The following RANBP2 variants were observed in gnomAD, a reference collection of about 807,000 sequenced individuals.
The protein encoded by RANBP2 is RAN binding protein 2.
RANBP2 carries 57 observed loss-of-function variants against 303.6 expected under a neutral mutation model. The observed-to-expected ratio is 0.19, with a 90% CI of 0.15 to 0.23. The LOEUF is 0.23. Among genes scored for constraint, RANBP2 ranks in the 10% least tolerant of loss-of-function variants. The probability of loss-of-function intolerance (pLI) is 1.00; values close to 1 mark genes in which losing one functional copy is unlikely to be tolerated. For missense variants in RANBP2, 3,138 were observed against 3,780.8 expected (o/e 0.83, Z 4.46); for synonymous variants, 1,167 against 1,301.5 (o/e 0.90, Z 2.23).
chr2:109,247,425 C>T, the RANBP2 span, among the ~76,000 whole-genome samples: 3 of 152,218 alleles, frequency 2.0e-5, no homozygotes, highest in East Asian at 5.8e-4. Flanking sequence ...CCAGATGATC[C>T]CTGAACGTCA....
intron 18 of RANBP2, among the ~76,000 whole-genome samples, chr2:108,761,085 C>G (rs1196982748): frequency 6.7e-6 from 1 of 149,538 alleles, no homozygotes; most frequent in Non-Finnish European, 1.5e-5. Context: ...ATTAAAGTCC[C>G]TACTTAAACT....
chr2:109,471,206 C>CAAAAAA, the RANBP2 span, among the ~76,000 whole-genome samples: 6 of 40,136 alleles, frequency 1.5e-4, no homozygotes, highest in East Asian at 7.3e-4. Flanking sequence ...GACTCTGTCT[C>CAAAAAA]AAAAAAAAAA....
chr2:108,720,258 G>GACACC lies in RANBP2; in HGVS notation c.72+580_72+581insACACC, dbSNP rs1315893248. The GACACC allele has an allele frequency of 1.3e-5, 12 of 904,268 alleles. No homozygotes were observed. In the African/African-American group the frequency reaches 2.5e-4, roughly 19 times the overall value. The allele number at this position is 904,268 out of a possible 1,614,324, so 56.0% of individuals were successfully genotyped here. A position where few individuals can be genotyped will look rare whatever the true frequency, so the allele number is the denominator to read the frequency against. Reference sequence around the variant, plus strand: ...CCCTTGTTTTGAGTATGAGGTGTTTGTCGCTGTCCCTTTGTAAGGGTCCAG... The same window carrying GACACC: ...CCCTTGTTTTGAGTATGAGGTGTTTGACACCTCGCTGTCCCTTTGTAAGGGTCCAG... On this transcript the variant is annotated intron_variant, in intron 1 of 28. Transcript: ENST00000283195.
At chr2:108,962,229 C>T in the RANBP2 span, among the ~76,000 whole-genome samples, 2 of 152,230 alleles carry the variant, frequency 1.3e-5, no homozygotes, top group Non-Finnish European at 2.9e-5. Context: ...GACGCTCTCA[C>T]AGCCTTTCAC....
the RANBP2 span, among the ~76,000 whole-genome samples, chr2:108,920,302 C>T: frequency 6.6e-6 from 1 of 152,218 alleles, no homozygotes; most frequent in African/African-American, 2.4e-5. Flanking sequence ...AGGACACTTT[C>T]CCAGGGGTGA....
chr2:108,929,511 A>G, the RANBP2 span: 4 of 981,478 alleles, frequency 4.1e-6, no homozygotes, highest in South Asian at 4.1e-5. Context: ...TGGTTTCCTG[A>G]GTTGTCCTAA....
rs376973592 is a variant in RANBP2 at position 108,755,017 on chromosome 2, A to G, written c.2315A>G (p.Asp772Gly). 2 of 1,611,782 alleles carry G rather than the reference A, an allele frequency of 1.2e-6. No homozygotes were observed. The highest frequency in any genetic ancestry group is 1.3e-5 in the African/African-American group (1 of 74,820). ...AAAAATGGTTCTTTGCGAAATGCAG[A>G]TTCAGAAATAAAACATTCTACACCG... The part of the protein sequence containing the change: ...LYKNGSLRNA[D>G]SEIKHSTPSP... The change falls in exon 16 of 29, where the codon GAT (aspartate) becomes GGT (glycine). Residue 772 changes from aspartate (D) to glycine (G), a missense_variant. Coordinates refer to ENST00000283195, the MANE Select transcript of RANBP2 (RefSeq NM_006267.5).
At chr2:108,882,684 C>T in the RANBP2 span, 2 of 152,268 alleles carry the variant, frequency 1.3e-5, no homozygotes, top group African/African-American at 4.8e-5. Flanking sequence ...ATCCTCCATG[C>T]CCTTCTGATG....
chr2:108,760,835 T>C (rs965385478), intron 18 of RANBP2, among the ~76,000 whole-genome samples: 27 of 152,138 alleles, frequency 1.8e-4, no homozygotes, highest in African/African-American at 5.1e-4. Flanking sequence ...TTGTGTTCCT[T>C]GTGATCTCCT....
the RANBP2 span, among the ~76,000 whole-genome samples, chr2:109,189,367 C>G: frequency 6.8e-6 from 1 of 147,972 alleles, no homozygotes; most frequent in Non-Finnish European, 1.5e-5. Flanking sequence ...AGTCGTTTGA[C>G]TTTTTTTTTT....
chr2:109,360,112 C>T, the RANBP2 span, among the ~76,000 whole-genome samples: 12 of 151,208 alleles, frequency 7.9e-5, no homozygotes, highest in Non-Finnish European at 1.5e-4. Context: ...CAAAGCACAG[C>T]ATCATAGGTA....
chr2:108,762,861 GTATT>G (rs1217380520), intron 19 of RANBP2, among the ~76,000 whole-genome samples: 1 of 151,966 alleles, frequency 6.6e-6, no homozygotes, highest in Non-Finnish European at 1.5e-5. Flanking sequence ...AATGAAGAAG[GTATT>G]TATTTTATGA....
At chr2:109,404,357 G>A in the RANBP2 span, among the ~76,000 whole-genome samples, 1 of 152,222 alleles carries the variant, frequency 6.6e-6, no homozygotes, top group African/African-American at 2.4e-5. Flanking sequence ...GAGGCCTGGC[G>A]GGGAGTGGGG....
Position 108,766,145 on chromosome 2 carries a change from C to T in RANBP2, c.5606C>T (p.Ser1869Leu). Residue 1869 changes from serine (S) to leucine (L), a missense_variant, in exon 20 of 29, where the codon TCA becomes TTA. Physicochemically the swap from Ser to Leu is moderately radical, Grantham distance 145 (BLOSUM62 -2). This residue lies in a region of RANBP2 where 348 missense variants were observed against 360.4 expected (regional missense o/e 0.97). Coordinates refer to ENST00000283195, the MANE Select transcript of RANBP2 (RefSeq NM_006267.5). ...FKFGHVDQEN[S>L]PSFMFQGSSN... ...TTTGGGCATGTGGATCAAGAAAATT[C>T]ACCTTCATTTATGTTTCAGGGTTCT... The T allele has an allele frequency of 6.2e-7, 1 of 1,613,410 alleles. No individual in the cohort carries two copies. The highest frequency in any genetic ancestry group is 8.5e-7 in the Non-Finnish European group (1 of 1,179,990).
chr2:109,526,062 A>G, the RANBP2 span, among the ~76,000 whole-genome samples: 1 of 152,148 alleles, frequency 6.6e-6, no homozygotes, highest in Non-Finnish European at 1.5e-5. Flanking sequence ...AGTCACCATC[A>G]GGGCCCCTGA....
intron 7 of RANBP2, among the ~76,000 whole-genome samples, chr2:108,742,146 G>A (rs574415260): frequency 7.3e-5 from 11 of 150,520 alleles, no homozygotes; most frequent in East Asian, 6.0e-4. Context: ...ACAGGCATGC[G>A]CCACCACGCC....
chr2:108,995,178 A>G, the RANBP2 span, among the ~76,000 whole-genome samples: 2 of 151,942 alleles, frequency 1.3e-5, no homozygotes. Flanking sequence ...ATTTTTTTCT[A>G]GAGACAGGGT....
chr2:109,178,048 G>GC, the RANBP2 span, among the ~76,000 whole-genome samples: 1 of 152,084 alleles, frequency 6.6e-6, no homozygotes, highest in Admixed American at 6.5e-5. Context: ...ATGTTTCTTT[G>GC]CTAAGGTATA....
chr2:109,564,253 A>G, the RANBP2 span: 3,907 of 957,958 alleles, frequency 4.1e-3, 93 homozygotes, highest in African/African-American at 0.058. Context: ...ATGATTCTAT[A>G]TCATGGTTTT....
Sources: gnomAD v4.1 joint callset for allele counts (sites outside exome capture counted in the v4.1 genomes callset) on GRCh38, gnomAD v4.1.1 for gene constraint, gnomAD v4.1.1 regional missense constraint, MANE v1.5 for transcripts, NCBI Gene and HGNC (gene_info 2026-07-23, HGNC 2026-07-21) for gene names.